CIDEB: variants seen among roughly 807,000 people sequenced by gnomAD.
CIDEB encodes cell death inducing DFFA like effector b.
A neutral mutation model predicts 22.4 loss-of-function variants in CIDEB; 27 were observed. That is an observed-to-expected ratio of 1.21 (90% CI 0.89 to 1.66). CIDEB has a LOEUF of 1.66. CIDEB is among the 40% of genes most tolerant of loss of function. CIDEB has a pLI of 0.00. For synonymous variants in CIDEB, 103 were observed against 109.5 expected (o/e 0.94, Z 0.37); for missense variants, 289 against 268.7 (o/e 1.08, Z -0.53).
At chr14:24,306,206 T>G in intron 3 of CIDEB, 69 bp from the exon 4 acceptor site, 1 of 1,554,236 alleles carries the variant, frequency 6.4e-7, no homozygotes, top group South Asian at 1.2e-5. Context: ...CCATCAGCAC[T>G]GGGTCAGACC....
upstream of CIDEB, chr14:24,311,277 C>A: frequency 6.3e-7 from 1 of 1,594,344 alleles, no homozygotes; most frequent in South Asian, 1.1e-5. Flanking sequence ...CAGCGTGACG[C>A]TGGCACGGCT....
chr14:24,310,928 G>T, upstream of CIDEB: 5 of 1,589,410 alleles, frequency 3.1e-6, no homozygotes, highest in Non-Finnish European at 4.3e-6. Context: ...AGGCCTGGCC[G>T]CTGGGCCAGG....
In CIDEB at chr14:24,305,376, A is replaced by G. The variant is rs369738234; in HGVS notation, c.*257T>C. The G allele has an allele frequency of 1.4e-5, 8 of 571,688 alleles. No individual in the cohort carries two copies. The highest frequency in any genetic ancestry group is 1.1e-4 in the African/African-American group (6 of 53,218). 35.4% of individuals were successfully genotyped at this position (571,688 alleles called of 1,614,324 possible). A position where few individuals can be genotyped will look rare whatever the true frequency, so the allele number is the denominator to read the frequency against. ...GCTGGGATCAAGATGCCTGGGGGAC[A>G]TCTTGATCTTGGCCTTTCAGGGCAA... On this transcript the variant is annotated 3_prime_UTR_variant, in exon 5 of 5. Coordinates refer to ENST00000554411, the MANE Select transcript of CIDEB (RefSeq NM_001393339.1).
At position 24,307,905 on chromosome 14, in the gene CIDEB, C is replaced by G. The variant is rs780443779; in HGVS notation, c.-47G>C. Reference sequence around the variant, plus strand: ...CCTGGAACTTCTGGGCTGGGTGGTTCTCTCCTGTGCTGGGGCTTTAGTGGT... The same window carrying G: ...CCTGGAACTTCTGGGCTGGGTGGTTGTCTCCTGTGCTGGGGCTTTAGTGGT... On this transcript the variant is annotated 5_prime_UTR_variant, in exon 1 of 5. Coordinates refer to ENST00000554411, the MANE Select transcript of CIDEB (RefSeq NM_001393339.1). The G allele has an allele frequency of 6.6e-7, 1 of 1,515,362 alleles. No individual in the cohort carries two copies. Among genetic ancestry groups the G allele is most frequent in the South Asian group, 1.2e-5 (1 of 83,764 alleles). The allele number at this position is 1,515,362 out of a possible 1,614,324, so 93.9% of individuals were successfully genotyped here.
At chr14:24,311,297 C>T (rs201679119), upstream of CIDEB, 5,011 of 1,590,810 alleles carry the variant, frequency 3.1e-3, 14 homozygotes, top group Non-Finnish European at 3.9e-3. Context: ...TGCGGGGCGC[C>T]CGCTGGGGCT....
At chr14:24,311,324 G>C (rs2041696955), upstream of CIDEB, 1 of 1,599,882 alleles carries the variant, frequency 6.3e-7, no homozygotes, top group African/African-American at 1.3e-5. Context: ...GGCACGGGGC[G>C]CGGGTGGGCC....
chr14:24,306,672 C>G lies in CIDEB; in HGVS notation c.187-149G>C, dbSNP rs1443247322. 8 of 916,590 alleles carry G rather than the reference C, an allele frequency of 8.7e-6. No individual in the cohort carries two copies. The African/African-American group carries it at 1.0e-4, about 11-fold the overall frequency. 56.8% of individuals were successfully genotyped at this position (916,590 alleles called of 1,614,324 possible). On this transcript the variant is annotated intron_variant, in intron 2 of 4. Transcript: ENST00000554411. Reference sequence around the variant, plus strand: ...TTGATACCTCCTAAAGGTTGCAGCTCTCCGTGTTCTTCAGTTTTTGGGGGA... The same window carrying G: ...TTGATACCTCCTAAAGGTTGCAGCTGTCCGTGTTCTTCAGTTTTTGGGGGA...
Position 24,306,126 on chromosome 14 carries a change from CAG to C in CIDEB, c.346_347del (p.Leu116ValfsTer21). On this transcript the variant is annotated frameshift_variant, in exon 4 of 5. Coordinates refer to ENST00000554411, the MANE Select transcript of CIDEB (RefSeq NM_001393339.1). LOFTEE classifies it high-confidence loss of function. ...QSWSPTRSGV[L>X]SYGLGRERPK... The stretch of plus-strand genomic sequence containing the variant: ...GCCTCTCCCGTCCCAGGCCATATGA[CAG>C]CACTCCACTCTGTAGGACACCCTTG... 6.2e-7 allele frequency: 1 copy of C among 1,613,614 alleles called. No individual in the cohort carries two copies. Among genetic ancestry groups the C allele is most frequent in the Non-Finnish European group, 8.5e-7 (1 of 1,179,758 alleles).
chr14:24,307,068 G>A (rs1566417486), intron 2 of CIDEB: 1 of 308,712 alleles, frequency 3.2e-6, no homozygotes, highest in East Asian at 6.0e-5. Context: ...TGACAGGCAG[G>A]AAGTGGCAGA....
intron 1 of CIDEB, 114 bp from the exon 2 acceptor site, chr14:24,307,629 G>A (rs1405430544): frequency 1.2e-5 from 14 of 1,208,068 alleles, no homozygotes; most frequent in East Asian, 7.4e-5. Context: ...TAGGTTTATC[G>A]ATTAGGGATG....
rs1354341488 is a variant in CIDEB, at chr14:24,305,490, C to G, written c.*143G>C. ...ATGTGAGGCGTTATGCTGAAAGGTT[C>G]TGTCACGAGGGGATCAGAGGACAGT... On this transcript the variant is annotated 3_prime_UTR_variant, in exon 5 of 5. Coordinates refer to ENST00000554411, the MANE Select transcript of CIDEB (RefSeq NM_001393339.1). The G allele has an allele frequency of 8.1e-6, 8 of 983,360 alleles. No homozygotes were observed. The Admixed American group carries it at 1.6e-4, about 20-fold the overall frequency. The allele number at this position is 983,360 out of a possible 1,614,324, so 60.9% of individuals were successfully genotyped here.
At chr14:24,307,585 GTAGAGTGGC>G in intron 1 of CIDEB, 70 bp from the exon 2 acceptor site, 1 of 1,545,882 alleles carries the variant, frequency 6.5e-7, no homozygotes, top group Non-Finnish European at 8.8e-7. Flanking sequence ...CATGATGAGG[GTAGAGTGGC>G]TAGAGGGCTA....
upstream of CIDEB, chr14:24,308,678 G>T (rs1207362883): frequency 6.6e-6 from 1 of 152,276 alleles, no homozygotes; most frequent in Non-Finnish European, 1.5e-5. Flanking sequence ...GGTGCGCTGT[G>T]TCCCAGCTCT....
chr14:24,306,228 G>T (rs1293087822), intron 3 of CIDEB, 91 bp from the exon 4 acceptor site: 1 of 1,525,756 alleles, frequency 6.6e-7, no homozygotes, highest in South Asian at 1.2e-5. Flanking sequence ...TCCCTCGCTT[G>T]GACTTTCTGT....
upstream of CIDEB, chr14:24,308,208 T>C (rs1378149694): frequency 6.5e-6 from 2 of 309,062 alleles, no homozygotes; most frequent in Non-Finnish European, 6.2e-6. Flanking sequence ...GGAGGGAATT[T>C]CTGGGGACGG....
In CIDEB at chr14:24,307,664, G is replaced by C. The variant is rs75930280; in HGVS notation, c.42-149C>G. ...GAGGGAGAGACCATGGAGTGCAGGT[G>C]GGGGCGGGTGGCTCAGGAGCTTGAC... On this transcript the variant is annotated intron_variant, in intron 1 of 4. Transcript: ENST00000554411. 166 of 1,189,588 alleles carry C rather than the reference G, an allele frequency of 1.4e-4. 1 individual carries two copies. In the East Asian group the frequency reaches 3.7e-3, roughly 26 times the overall value. The allele number at this position is 1,189,588 out of a possible 1,614,324, so 73.7% of individuals were successfully genotyped here.
upstream of CIDEB, chr14:24,311,326 G>C (rs562644365): frequency 1.7e-5 from 27 of 1,600,656 alleles, no homozygotes; most frequent in African/African-American, 3.3e-4. Context: ...CACGGGGCGC[G>C]GGTGGGCCGG....
At position 24,305,584 on chromosome 14, in the gene CIDEB, T is replaced by C. The variant is rs1365214229; in HGVS notation, c.*49A>G. 4 of 1,582,708 alleles carry C rather than the reference T, an allele frequency of 2.5e-6. No homozygotes were observed. The highest frequency in any genetic ancestry group is 1.8e-5 in the Admixed American group (1 of 55,698). The stretch of plus-strand genomic sequence containing the variant: ...CTGAAATTTGATGCTGTCATAGTCT[T>C]TGCAGTGGGTCGGTTGGAATGATTC... On this transcript the variant is annotated 3_prime_UTR_variant, in exon 5 of 5. Transcript: ENST00000554411.
chr14:24,307,538 A>G, intron 1 of CIDEB, 23 bp from the exon 2 acceptor site: 5 of 1,609,800 alleles, frequency 3.1e-6, no homozygotes, highest in East Asian at 2.2e-5. Flanking sequence ...AAGAAAAGTC[A>G]AGAAGGGGCG....
Sources: gnomAD v4.1 joint callset for allele counts on GRCh38, gnomAD v4.1.1 for gene constraint, MANE v1.5 for transcripts, NCBI Gene and HGNC (gene_info 2026-07-23, HGNC 2026-07-21) for gene names.